STRIP1: variants seen among roughly 807,000 people sequenced by gnomAD.
The protein encoded by STRIP1 is striatin-interacting protein 1.
A neutral mutation model predicts 106.2 loss-of-function variants in STRIP1; 63 were observed. That is an observed-to-expected ratio of 0.59 (90% CI 0.48 to 0.73). STRIP1 has a LOEUF of 0.73. Ranked by LOEUF, STRIP1 falls within the 30% of genes least tolerant of loss-of-function variation. STRIP1 has a pLI of 0.00. For synonymous variants in STRIP1, 390 were observed against 413.0 expected, an observed-to-expected ratio of 0.94 and a Z score of 0.67; for missense variants, 857 against 1,074.8, an observed-to-expected ratio of 0.80 and a Z score of 2.83.
Position 110,050,979 on chromosome 1 carries a change from T to G in STRIP1, c.1980T>G (p.Phe660Leu). Residue 660 changes from phenylalanine to leucine, a missense_variant, in exon 19 of 21, where the codon TTT (phenylalanine) becomes TTG (leucine). Around this residue, in one of 2 missense-constraint regions of STRIP1, gnomAD observed 750 missense variants for 989.8 expected, o/e 0.76. Coordinates refer to ENST00000369795, the MANE Select transcript of STRIP1 (RefSeq NM_033088.4). ...AGGAAGCAGGTGACAGTAACCAATT[T>G]TGCTGGAGGAACCTCTTTTCTTGTA... ...ESLEAGDSNQFCWRNLFSCIN... is the reference protein window; with the variant it reads ...ESLEAGDSNQLCWRNLFSCIN... The G allele has an allele frequency of 1.2e-6, 2 of 1,613,234 alleles. No individual in the cohort carries two copies. The highest frequency in any genetic ancestry group is 1.7e-6 in the Non-Finnish European group (2 of 1,179,114).
At position 110,047,855 on chromosome 1, in the gene STRIP1, G is replaced by T; in HGVS notation, c.1647G>T (p.Leu549Phe). 1 of 1,560,608 alleles carries T rather than the reference G, an allele frequency of 6.4e-7. No individual in the cohort carries two copies. Among genetic ancestry groups the T allele is most frequent in the Non-Finnish European group, 8.7e-7 (1 of 1,151,208 alleles). The change falls in exon 15 of 21, where the codon TTG (leucine) becomes TTT (phenylalanine). Residue 549 changes from leucine (L) to phenylalanine (F), a missense_variant. Leu to Phe is a conservative substitution (Grantham distance 22). This residue lies in a region of STRIP1 where 750 missense variants were observed against 989.8 expected (regional missense o/e 0.76). Coordinates refer to ENST00000369795, the MANE Select transcript of STRIP1 (RefSeq NM_033088.4). ...CAATCAACATCCTAGCGGACGTCTT[G>T]CCTGAGGAGATGCCGTGAGTATCAT... Reference protein sequence around the residue: ...TDSINILADVLPEEMPTTVLQ... With the variant: ...TDSINILADVFPEEMPTTVLQ...
intron 19 of STRIP1, among the ~76,000 whole-genome samples, chr1:110,051,449 TTCAGATTCC>T (rs1193829907): frequency 3.3e-5 from 5 of 152,194 alleles, no homozygotes; most frequent in African/African-American, 4.8e-5. Flanking sequence ...CATAGCTTTC[TTCAGATTCC>T]AAAGTGACAC....
At chr1:110,039,343 C>G (rs201706356) in intron 4 of STRIP1, 37 bp downstream of exon 4, 7 of 1,613,936 alleles carry the variant, frequency 4.3e-6, no homozygotes, top group Non-Finnish European at 5.9e-6. Context: ...CCTGGCACCT[C>G]TGCCCACTCA....
chr1:110,054,124 A>AGATC lies in STRIP1; in HGVS notation c.*213_*216dup. 2 of 576,510 alleles carry AGATC rather than the reference A, an allele frequency of 3.5e-6. No individual in the cohort carries two copies. The highest frequency in any genetic ancestry group is 6.1e-6 in the Non-Finnish European group (2 of 325,356). The allele number at this position is 576,510 out of a possible 1,614,324, so 35.7% of individuals were successfully genotyped here. ...GCTCCGAAGCAGTCATCTCTGCCTG[A>AGATC]GATCCATTCTTCCTTTACTTCCCCC... On this transcript the variant is annotated 3_prime_UTR_variant, in exon 21 of 21. Coordinates refer to ENST00000369795, the MANE Select transcript of STRIP1 (RefSeq NM_033088.4).
chr1:110,037,078 G>T (rs934926297), intron 1 of STRIP1, among the ~76,000 whole-genome samples: 1 of 152,054 alleles, frequency 6.6e-6, no homozygotes, highest in Non-Finnish European at 1.5e-5. Flanking sequence ...CAAATGACCC[G>T]CCCACCTCGG....
In STRIP1 at chr1:110,048,963, G is replaced by C. The variant is rs1457332868; in HGVS notation, c.1662-149G>C. On this transcript the variant is annotated intron_variant, in intron 15 of 20. Transcript: ENST00000369795. ...CATTGCTTGGGAGGTGGATGGGGGA[G>C]CCCTCGGCTGACTTCTGAGATGTCC... 3 of 798,508 alleles carry C rather than the reference G, an allele frequency of 3.8e-6. No individual in the cohort carries two copies. In the African/African-American group the frequency reaches 5.2e-5, roughly 14 times the overall value. 49.5% of individuals were successfully genotyped at this position (798,508 alleles called of 1,614,324 possible). A position where few individuals can be genotyped will look rare whatever the true frequency, so the allele number is the denominator to read the frequency against.
intron 18 of STRIP1, 43 bp downstream of exon 18, chr1:110,050,452 G>C: frequency 1.3e-6 from 2 of 1,584,466 alleles, no homozygotes; most frequent in Non-Finnish European, 1.7e-6. Flanking sequence ...TGGCACCAGG[G>C]TCAGTGGGTA....
intron 8 of STRIP1, chr1:110,042,758 G>T (rs1434615891): frequency 1.7e-5 from 4 of 228,636 alleles, no homozygotes; most frequent in Non-Finnish European, 3.4e-5. Context: ...TGTGAAACAT[G>T]AGTCTCACCA....
At chr1:110,036,150 A>G (rs1652442368) in intron 1 of STRIP1, among the ~76,000 whole-genome samples, 1 of 152,196 alleles carries the variant, frequency 6.6e-6, no homozygotes, top group Non-Finnish European at 1.5e-5. Context: ...TTCTCTTTGT[A>G]CCCTTTAATT....
chr1:110,034,509 C>T, upstream of STRIP1: 2 of 1,176,924 alleles, frequency 1.7e-6, no homozygotes, highest in East Asian at 3.2e-5. Context: ...TATTGGTCAG[C>T]CAAGATGGCT....
chr1:110,040,908 A>G (rs1365301293), intron 6 of STRIP1, among the ~76,000 whole-genome samples: 1 of 152,162 alleles, frequency 6.6e-6, no homozygotes, highest in East Asian at 1.9e-4. Flanking sequence ...CCCAAAGGCA[A>G]TCCAGGGTCA....
chr1:110,046,060 T>C (rs537325491), intron 12 of STRIP1, among the ~76,000 whole-genome samples: 1 of 152,370 alleles, frequency 6.6e-6, no homozygotes, highest in Non-Finnish European at 1.5e-5. Flanking sequence ...TCTCTGCAGC[T>C]AGGCTTTTTG....
At chr1:110,037,721 C>T (rs895763114) in intron 1 of STRIP1, among the ~76,000 whole-genome samples, 170 bp from the exon 2 acceptor site, 2 of 152,046 alleles carry the variant, frequency 1.3e-5, no homozygotes, top group Non-Finnish European at 2.9e-5. Context: ...ATGATAAATG[C>T]TCTGAAGGAA....
intron 17 of STRIP1, 69 bp downstream of exon 17, chr1:110,049,629 C>A: frequency 8.8e-7 from 1 of 1,135,730 alleles, no homozygotes; most frequent in Non-Finnish European, 1.3e-6. Context: ...TGGTATTTCC[C>A]ACTGTGTCCA....
chr1:110,050,518 C>A, intron 18 of STRIP1, 109 bp downstream of exon 18: 3 of 1,066,080 alleles, frequency 2.8e-6, no homozygotes, highest in South Asian at 1.4e-5. Context: ...CAGGTGAAAT[C>A]ACTGTGGAGT....
At chr1:110,040,366 G>C (rs1652699457) in intron 5 of STRIP1, among the ~76,000 whole-genome samples, 1 of 152,164 alleles carries the variant, frequency 6.6e-6, no homozygotes, top group Admixed American at 6.5e-5. Flanking sequence ...ATTTTTAGTA[G>C]AGATGGGGTT....
Position 110,041,825 on chromosome 1 carries a change from G to A in STRIP1, c.849G>A (p.Met283Ile). 5 of 1,614,162 alleles carry A rather than the reference G, an allele frequency of 3.1e-6. No homozygotes were observed. Among genetic ancestry groups the A allele is most frequent in the Non-Finnish European group, 4.2e-6 (5 of 1,180,014 alleles). Residue 283 changes from methionine to isoleucine, a missense_variant, in exon 8 of 21, where the codon ATG becomes ATA. By Grantham distance (10) the Met-to-Ile change is conservative (BLOSUM62 1). This residue lies in a region of STRIP1 where 750 missense variants were observed against 989.8 expected (regional missense o/e 0.76). Coordinates refer to ENST00000369795, the MANE Select transcript of STRIP1 (RefSeq NM_033088.4). ...FCSGHAPHFP[M>I]KKVLLLLWKT... ...GTGGTCACGCCCCTCACTTTCCCAT[G>A]AAGAAAGTTCTCTTGCTGCTCTGGA...
chr1:110,049,603 C>A, intron 17 of STRIP1, 43 bp downstream of exon 17: 1 of 1,378,456 alleles, frequency 7.3e-7, no homozygotes, highest in Non-Finnish European at 1.0e-6. Context: ...TATGGTCAGA[C>A]GGCAGAGTTC....
intron 1 of STRIP1, 111 bp from the exon 2 acceptor site, chr1:110,037,780 A>T (rs147716179): frequency 1.4e-6 from 1 of 723,832 alleles, no homozygotes; most frequent in South Asian, 1.6e-5. Context: ...GTGAAAAAAC[A>T]TAAAAAAGTG....
Sources: allele counts gnomAD v4.1 joint callset (sites outside exome capture counted in the v4.1 genomes callset), GRCh38; gene constraint gnomAD v4.1.1; regional missense constraint gnomAD v4.1.1; transcripts MANE v1.5; gene names NCBI Gene and HGNC (gene_info 2026-07-23, HGNC 2026-07-21).